Variants in RAF1 observed in about 807,000 individuals in gnomAD.
RAF1 encodes RAF proto-oncogene serine/threonine-protein kinase.
A neutral mutation model predicts 81.1 loss-of-function variants in RAF1; 27 were observed. That is an observed-to-expected ratio of 0.33 (90% CI 0.25 to 0.46). RAF1 has a LOEUF of 0.46. Among genes scored for constraint, RAF1 ranks in the 20% least tolerant of loss-of-function variants. RAF1 has a pLI of 1.00. For synonymous variants in RAF1, 298 were observed against 294.0 expected (o/e 1.01, Z -0.14); for missense variants, 598 against 826.0 (o/e 0.72, Z 3.38).
At chr3:12,606,009 G>GT (rs1288965514) in intron 6 of RAF1, among the ~76,000 whole-genome samples, 192 bp downstream of exon 6, 2 of 148,624 alleles carry the variant, frequency 1.3e-5, no homozygotes, top group Non-Finnish European at 3.0e-5. Flanking sequence ...TTTCCAGAAT[G>GT]TAAGACCTAC....
chr3:12,600,211 G>C lies in RAF1; in HGVS notation c.991C>G (p.Pro331Ala). The change falls in exon 10 of 18, where the codon CCC becomes GCC. Residue 331 changes from proline to alanine, a missense_variant. By Grantham distance (27) the Pro-to-Ala change is conservative. Transcript: ENST00000442415. ...GCCCGCTCTCTTTGTGCTGGCACGG[G>C]GGTTTTCGGCTGTGACCAGCCTGTT... The C allele has an allele frequency of 6.2e-7, 1 of 1,614,192 alleles. No individual in the cohort carries two copies. The highest frequency in any genetic ancestry group is 8.5e-7 in the Non-Finnish European group (1 of 1,180,044).
At chr3:12,662,292 T>C (rs1322773940) in intron 1 of RAF1, among the ~76,000 whole-genome samples, 1 of 133,254 alleles carries the variant, frequency 7.5e-6, no homozygotes, top group Non-Finnish European at 1.5e-5. Flanking sequence ...GCTATGATCA[T>C]GCCACTGCAC....
At position 12,606,227 on chromosome 3, in the gene RAF1, T is replaced by C. The variant is rs898490426; in HGVS notation, c.654A>G (p.Arg218=). 1 of 1,613,844 alleles carries C rather than the reference T, an allele frequency of 6.2e-7. No individual in the cohort carries two copies. Among genetic ancestry groups the C allele is most frequent in the Non-Finnish European group, 8.5e-7 (1 of 1,179,840 alleles). ...TAACAGGCATCCTGGAAACAGACTC[T>C]CGCATACGACGCATAGTCAAAGAAG... Residue 218 remains arginine (R), a synonymous_variant, in exon 6 of 18, where the codon CGA becomes CGG. Coordinates refer to ENST00000442415, the MANE Select transcript of RAF1 (RefSeq NM_001354689.3).
intron 1 of RAF1, among the ~76,000 whole-genome samples, chr3:12,628,925 A>G (rs1012182794): frequency 1.3e-5 from 2 of 151,900 alleles, no homozygotes; most frequent in African/African-American, 2.4e-5. Flanking sequence ...TAATTTTTGT[A>G]TATTTAGTAG....
rs147547744 is a variant in RAF1, at chr3:12,590,854, G to A, written c.1374C>T (p.Thr458=). 1 of 1,613,940 alleles carries A rather than the reference G, an allele frequency of 6.2e-7. No individual in the cohort carries two copies. ...CAATTAGCTGGAACATCTGAAACTT[G>A]GTCTCCTGGACATGCAGGTGTTTGT... The change falls in exon 13 of 18, where the codon ACC becomes ACT. Residue 458 remains threonine (T), a synonymous_variant. Coordinates refer to ENST00000442415, the MANE Select transcript of RAF1 (RefSeq NM_001354689.3).
At chr3:12,654,543 G>T (rs560123182) in intron 1 of RAF1, among the ~76,000 whole-genome samples, 74 of 151,578 alleles carry the variant, frequency 4.9e-4, no homozygotes, top group Non-Finnish European at 1.0e-3. Flanking sequence ...TCAAGGCTAC[G>T]GTGAGTGGAG....
At chr3:12,660,638 A>G (rs1173145907) in intron 1 of RAF1, among the ~76,000 whole-genome samples, 1 of 152,140 alleles carries the variant, frequency 6.6e-6, no homozygotes, top group Non-Finnish European at 1.5e-5. Flanking sequence ...TACTGACAAG[A>G]CTTTAACAAA....
intron 1 of RAF1, among the ~76,000 whole-genome samples, chr3:12,648,701 G>A (rs1341095959): frequency 2.0e-5 from 3 of 151,720 alleles, no homozygotes; most frequent in African/African-American, 7.3e-5. Flanking sequence ...AGCCGAGATC[G>A]CACCACTGTC....
intron 5 of RAF1, among the ~76,000 whole-genome samples, chr3:12,608,020 G>C (rs2059094829): frequency 6.8e-6 from 1 of 146,808 alleles, no homozygotes; most frequent in Admixed American, 6.9e-5. Flanking sequence ...TGTGCCATTT[G>C]TGCTACTCAA....
chr3:12,585,893 C>A, intron 14 of RAF1, 94 bp from the exon 14 acceptor site: 1 of 891,808 alleles, frequency 1.1e-6, no homozygotes, highest in Non-Finnish European at 1.9e-6. Context: ...AATCTCTCCA[C>A]CTTACCTCTG....
intron 13 of RAF1, chr3:12,588,045 A>G (rs1053172285): frequency 7.1e-6 from 1 of 141,118 alleles, no homozygotes; most frequent in African/African-American, 2.8e-5. Context: ...GGCTCAAGTG[A>G]TCCTCCCATG....
At position 12,584,671 on chromosome 3, in the gene RAF1, C is replaced by G. The variant is rs2125317576; in HGVS notation, c.1864-14G>C. On this transcript the variant is annotated splice_polypyrimidine_tract_variant and intron_variant, in intron 17 of 17. Transcript: ENST00000442415. ...GGAAGACAGGATCTGAAACAAAGCC[C>G]AAGAATGCTCTCATTAGCTGTGTCT... is the stretch of plus-strand genomic sequence containing the variant. 1 of 1,614,042 alleles carries G rather than the reference C, an allele frequency of 6.2e-7. No homozygotes were observed. The highest frequency in any genetic ancestry group is 8.5e-7 in the Non-Finnish European group (1 of 1,179,958).
chr3:12,617,673 G>C (rs1240646808), intron 2 of RAF1, among the ~76,000 whole-genome samples: 1 of 151,816 alleles, frequency 6.6e-6, no homozygotes, highest in Non-Finnish European at 1.5e-5. Context: ...ATTACCTGAG[G>C]TCAGGAGTTT....
At chr3:12,601,622 T>C (rs553977633) in intron 8 of RAF1, among the ~76,000 whole-genome samples, 27 of 152,150 alleles carry the variant, frequency 1.8e-4, no homozygotes, top group Non-Finnish European at 3.8e-4. Context: ...TCCACACAAC[T>C]ATTACTAGAA....
At chr3:12,620,963 T>A (rs1389889753) in intron 1 of RAF1, among the ~76,000 whole-genome samples, 1 of 150,550 alleles carries the variant, frequency 6.6e-6, no homozygotes, top group Admixed American at 6.6e-5. Flanking sequence ...CAGTTCATGG[T>A]CAGAAACCAT....
intron 1 of RAF1, among the ~76,000 whole-genome samples, chr3:12,633,274 A>ATCCT (rs1322397442): frequency 1.3e-5 from 2 of 152,088 alleles, no homozygotes; most frequent in East Asian, 3.9e-4. Context: ...TGAACCCAGG[A>ATCCT]GTTCAAGACC....
intron 1 of RAF1, among the ~76,000 whole-genome samples, chr3:12,637,322 C>A (rs2060059983): frequency 1.4e-5 from 2 of 144,250 alleles, no homozygotes; most frequent in Non-Finnish European, 3.0e-5. Context: ...ATATGTACAT[C>A]TTTGTAGGTC....
intron 12 of RAF1, 41 bp downstream of exon 11, chr3:12,591,667 C>G: frequency 6.4e-7 from 1 of 1,553,612 alleles, no homozygotes; most frequent in Non-Finnish European, 8.9e-7. Context: ...ACTCCCCACT[C>G]CAGCACTCCA....
At chr3:12,618,446 G>T in intron 2 of RAF1, 69 bp downstream of exon 2, 1 of 1,527,708 alleles carries the variant, frequency 6.5e-7, no homozygotes, top group Non-Finnish European at 9.1e-7. Flanking sequence ...TCTTTAAGTT[G>T]AACATGATCC....
Sources: allele counts gnomAD v4.1 joint callset (sites outside exome capture counted in the v4.1 genomes callset), GRCh38; gene constraint gnomAD v4.1.1; transcripts MANE v1.5; gene names NCBI Gene and HGNC (gene_info 2026-07-23, HGNC 2026-07-21).